The following C8orf74 variants were observed in gnomAD, a reference collection of about 807,000 sequenced individuals.
The protein encoded by C8orf74 is chromosome 8 open reading frame 74.
A neutral mutation model predicts 22.2 loss-of-function variants in C8orf74; 29 were observed. The observed-to-expected ratio is 1.31, with a 90% CI of 0.97 to 1.78. The LOEUF is 1.78. Among genes scored for constraint, C8orf74 ranks in the 40% most tolerant of loss-of-function variants. The pLI is 0.00. For synonymous variants in C8orf74, 255 were observed against 163.1 expected (o/e 1.56, Z -4.30); for missense variants, 515 against 369.9 (o/e 1.39, Z -3.22).
intron 2 of C8orf74, chr8:10,687,107 C>A: frequency 2.2e-6 from 1 of 456,262 alleles, no homozygotes; most frequent in Non-Finnish European, 4.4e-6. Context: ...ACACAGCCCA[C>A]CAGCTGTGTA....
intron 1 of C8orf74, among the ~76,000 whole-genome samples, chr8:10,674,132 A>G (rs1293582512): frequency 1.6e-5 from 2 of 126,088 alleles, no homozygotes; most frequent in African/African-American, 3.1e-5. Flanking sequence ...CCCCCATATC[A>G]CATCCCACAG....
At chr8:10,693,551 G>A (rs1799428343) in intron 2 of C8orf74, among the ~76,000 whole-genome samples, 1 of 152,204 alleles carries the variant, frequency 6.6e-6, no homozygotes, top group Non-Finnish European at 1.5e-5. Flanking sequence ...TCTAGACTTT[G>A]ATTGGGCCCC....
At chr8:10,680,841 C>A (rs1340817268) in intron 2 of C8orf74, among the ~76,000 whole-genome samples, 1 of 152,176 alleles carries the variant, frequency 6.6e-6, no homozygotes, top group Non-Finnish European at 1.5e-5. Context: ...CAGCTCTTTT[C>A]CACCTTGCAT....
At chr8:10,699,626 G>C (rs1211915910) in intron 3 of C8orf74, among the ~76,000 whole-genome samples, 1 of 152,234 alleles carries the variant, frequency 6.6e-6, no homozygotes, top group East Asian at 1.9e-4. Flanking sequence ...AGGGTTTCCT[G>C]TTTAACATGA....
At chr8:10,684,699 G>C (rs1350801414) in intron 2 of C8orf74, among the ~76,000 whole-genome samples, 1 of 152,186 alleles carries the variant, frequency 6.6e-6, no homozygotes, top group African/African-American at 2.4e-5. Flanking sequence ...CAATTTCACA[G>C]ATAGAAGATT....
At chr8:10,673,084 G>A (rs527766627) in intron 1 of C8orf74, among the ~76,000 whole-genome samples, 80 of 152,226 alleles carry the variant, frequency 5.3e-4, no homozygotes, top group African/African-American at 1.5e-3. Flanking sequence ...GCAGAAGAGT[G>A]GTGGCAGTGG....
chr8:10,695,144 C>A (rs567950301), intron 2 of C8orf74, among the ~76,000 whole-genome samples: 2 of 152,196 alleles, frequency 1.3e-5, no homozygotes, highest in South Asian at 2.1e-4. Context: ...GAAATAAATT[C>A]TTTCTACAGC....
chr8:10,697,008 G>T (rs1043964199), intron 2 of C8orf74, among the ~76,000 whole-genome samples: 7 of 150,566 alleles, frequency 4.6e-5, no homozygotes, highest in Non-Finnish European at 8.8e-5. Context: ...TGATTATACT[G>T]AGATCATATA....
At chr8:10,686,963 C>T (rs1799273726) in intron 2 of C8orf74, 1 of 377,574 alleles carries the variant, frequency 2.6e-6, no homozygotes. Flanking sequence ...CCGTGCCCGC[C>T]CATCCCACCA....
chr8:10,697,742 C>T lies in C8orf74; in HGVS notation c.385C>T (p.Leu129=). ...CCACTACAAACTCTACCAGTATGTC[C>T]TGGGCCAGGACCAGCAGGTCGACCT... ...IRHYKLYQYV[L]GQDQQVDLTV... is the part of the protein sequence containing the mutation. The change falls in exon 3 of 4, where the codon CTG becomes TTG. Residue 129 remains leucine (L), a synonymous_variant. Coordinates refer to ENST00000304519, the MANE Select transcript of C8orf74 (RefSeq NM_001040032.2). 2 of 1,614,078 alleles carry T rather than the reference C, an allele frequency of 1.2e-6. No homozygotes were observed. Among genetic ancestry groups the T allele is most frequent in the Non-Finnish European group, 1.7e-6 (2 of 1,179,902 alleles).
At chr8:10,683,550 G>A (rs997727297) in intron 2 of C8orf74, among the ~76,000 whole-genome samples, 1 of 152,184 alleles carries the variant, frequency 6.6e-6, no homozygotes, top group Non-Finnish European at 1.5e-5. Flanking sequence ...CATCTCTGGG[G>A]GATGATGACC....
At position 10,697,900 on chromosome 8, in the gene C8orf74, C is replaced by A. The variant is rs542619097; in HGVS notation, c.543C>A (p.Asp181Glu). 3.7e-6 allele frequency: 6 copies of A among 1,608,026 alleles called. No homozygotes were observed. The highest frequency in any genetic ancestry group is 1.7e-5 in the Admixed American group (1 of 59,812). Residue 181 changes from aspartate (D) to glutamate (E), a missense_variant, in exon 3 of 4, where the codon GAC becomes GAA. Asp to Glu is a conservative substitution (Grantham distance 45). Transcript: ENST00000304519. ...AGGCCGAGGCACAGAAGCGCGCCGA[C>A]GTGCTGCTCCTGAAAGAGGCGCTGC... ...LTEAEAQKRADVLLLKEALRL... is the reference protein window; with the variant it reads ...LTEAEAQKRAEVLLLKEALRL...
chr8:10,687,634 A>AAAAG (rs1563160170), intron 2 of C8orf74, among the ~76,000 whole-genome samples: 2 of 151,868 alleles, frequency 1.3e-5, no homozygotes, highest in Non-Finnish European at 1.5e-5. Flanking sequence ...AAAAAAAAAA[A>AAAAG]AAAGAAAGAG....
At chr8:10,684,247 A>G (rs1799215107) in intron 2 of C8orf74, among the ~76,000 whole-genome samples, 1 of 152,244 alleles carries the variant, frequency 6.6e-6, no homozygotes, top group Non-Finnish European at 1.5e-5. Flanking sequence ...AATAGAGGGA[A>G]GAACCAGTAC....
intron 3 of C8orf74, among the ~76,000 whole-genome samples, chr8:10,699,229 C>T (rs907332260): frequency 6.6e-6 from 1 of 152,196 alleles, no homozygotes; most frequent in Non-Finnish European, 1.5e-5. Flanking sequence ...CAGCCTCCAG[C>T]ATGGCACTGC....
chr8:10,687,397 C>A, intron 2 of C8orf74: 1 of 247,156 alleles, frequency 4.0e-6, no homozygotes, highest in Non-Finnish European at 8.1e-6. Flanking sequence ...CACATGTAAT[C>A]CCGGCAGTTT....
rs1214785235 is a variant in C8orf74 at position 10,672,658 on chromosome 8, C to T, written c.-8C>T. ...GGCTCCGTCTCCTGGCAACCAGATG[C>T]AGGGGCCATGGCACTCTTAACACCC... is the stretch of plus-strand genomic sequence containing the variant. On this transcript the variant is annotated 5_prime_UTR_variant, in exon 1 of 4. An upstream open reading frame in the 5' UTR gains an earlier in-frame stop. Coordinates refer to ENST00000304519, the MANE Select transcript of C8orf74 (RefSeq NM_001040032.2). The T allele has an allele frequency of 6.4e-7, 1 of 1,562,870 alleles. No homozygotes were observed.
chr8:10,700,136 C>CA, intron 3 of C8orf74, 99 bp from the exon 4 acceptor site: 1 of 753,016 alleles, frequency 1.3e-6, no homozygotes. Flanking sequence ...GACGGATGGA[C>CA]AGTGGACACA....
chr8:10,697,957 G>C lies in C8orf74; in HGVS notation c.600G>C (p.Ala200=), dbSNP rs1323676206. 15 of 1,546,646 alleles carry C rather than the reference G, an allele frequency of 9.7e-6. No individual in the cohort carries two copies. The African/African-American group carries it at 1.9e-4, about 20-fold the overall frequency. Residue 200 remains alanine, a synonymous_variant, in exon 3 of 4, where the codon GCG becomes GCC. Transcript: ENST00000304519. ...AGCGGGAGAACTCGCTGCAGAAGGCGTTCGCTGCCGCCGCGCCTGCGCAGC... is the reference window on the plus strand; with the variant it reads ...AGCGGGAGAACTCGCTGCAGAAGGCCTTCGCTGCCGCCGCGCCTGCGCAGC... ...RLERENSLQK[A]FAAAAPAQPG...
Sources: allele counts gnomAD v4.1 joint callset (sites outside exome capture counted in the v4.1 genomes callset), GRCh38; gene constraint gnomAD v4.1.1; transcripts MANE v1.5; gene names NCBI Gene and HGNC (gene_info 2026-07-23, HGNC 2026-07-21).